Variants in CAMK2D observed in about 807,000 individuals in gnomAD.
CAMK2D encodes calcium/calmodulin-dependent protein kinase type II subunit delta.
CAMK2D carries 37 observed loss-of-function variants against 84.0 expected under a neutral mutation model. The ratio of observed to expected loss-of-function variants is 0.44; its 90% CI spans 0.34 to 0.58. CAMK2D has a LOEUF of 0.58. Ranked by LOEUF, CAMK2D falls within the 20% of genes least tolerant of loss-of-function variation. The pLI, the probability that CAMK2D is intolerant of heterozygous loss-of-function variation, is 0.02. For missense variants in CAMK2D, 448 were observed against 652.5 expected, an observed-to-expected ratio of 0.69 and a Z score of 3.41; for synonymous variants, 202 against 212.5, an observed-to-expected ratio of 0.95 and a Z score of 0.43.
chr4:113,669,110 T>C (rs1373580241), intron 2 of CAMK2D, among the ~76,000 whole-genome samples: 1 of 152,192 alleles, frequency 6.6e-6, no homozygotes. Context: ...TATTTAAAAA[T>C]GCTTTACACA....
intron 3 of CAMK2D, among the ~76,000 whole-genome samples, chr4:113,610,651 TGAG>T (rs897366595): frequency 9.2e-5 from 14 of 152,096 alleles, no homozygotes; most frequent in African/African-American, 2.7e-4. Context: ...GTTATTAACA[TGAG>T]GAGGAGGCCT....
intron 2 of CAMK2D, among the ~76,000 whole-genome samples, chr4:113,665,423 A>G (rs941817302): frequency 6.6e-6 from 1 of 152,216 alleles, no homozygotes; most frequent in Non-Finnish European, 1.5e-5. Context: ...ATTACCAAAA[A>G]GCACATTTCT....
At chr4:113,456,958 T>C (rs915370840) in intron 19 of CAMK2D, 1 of 187,204 alleles carries the variant, frequency 5.3e-6, no homozygotes, top group African/African-American at 2.4e-5. Context: ...TGATAATATA[T>C]TGGCCATTTT....
intron 3 of CAMK2D, among the ~76,000 whole-genome samples, chr4:113,655,986 A>G (rs986552888): frequency 6.6e-6 from 1 of 152,134 alleles, no homozygotes; most frequent in African/African-American, 2.4e-5. Flanking sequence ...ATCACCTCAA[A>G]TATTTTATTT....
At chr4:113,675,714 G>C (rs2099315639) in intron 2 of CAMK2D, among the ~76,000 whole-genome samples, 1 of 151,760 alleles carries the variant, frequency 6.6e-6, no homozygotes, top group Admixed American at 6.6e-5. Flanking sequence ...TAGTCAGAGA[G>C]GTAAAATTCC....
chr4:113,554,350 G>T (rs951093675), intron 4 of CAMK2D, among the ~76,000 whole-genome samples: 1 of 151,966 alleles, frequency 6.6e-6, no homozygotes, highest in Admixed American at 6.6e-5. Flanking sequence ...GCTATACATG[G>T]CAATAGATTT....
At position 113,513,835 on chromosome 4, in the gene CAMK2D, G is replaced by A. The variant is rs754568412; in HGVS notation, c.898C>T (p.Leu300=). ...AAAAATGTAAAATTTCTTACCTTTA[G>A]TTTTCTTCTAGCATTAAATTTCTTC... is the stretch of plus-strand genomic sequence containing the variant. ...CLKKFNARRK[L]KGAILTTMLA... The change falls in exon 11 of 21, where the codon CTA becomes TTA. Residue 300 remains leucine (L), a synonymous_variant. Transcript: ENST00000511664. 1 of 1,517,668 alleles carries A rather than the reference G, an allele frequency of 6.6e-7. No individual in the cohort carries two copies. Among genetic ancestry groups the A allele is most frequent in the South Asian group, 1.1e-5 (1 of 88,034 alleles). 94.0% of individuals were successfully genotyped at this position (1,517,668 alleles called of 1,614,324 possible). A position where few individuals can be genotyped will look rare whatever the true frequency, so the allele number is the denominator to read the frequency against.
chr4:113,516,860 T>C (rs568654844), intron 9 of CAMK2D, among the ~76,000 whole-genome samples: 3 of 152,122 alleles, frequency 2.0e-5, no homozygotes, highest in Non-Finnish European at 2.9e-5. Context: ...GAGAAAGTGG[T>C]AAATCATATT....
intron 3 of CAMK2D, among the ~76,000 whole-genome samples, chr4:113,622,845 A>G (rs2099051910): frequency 6.6e-6 from 1 of 152,170 alleles, no homozygotes; most frequent in Non-Finnish European, 1.5e-5. Flanking sequence ...ATGATGAAAC[A>G]CTGTTTAACT....
At chr4:113,475,824 C>A (rs990301388) in intron 16 of CAMK2D, among the ~76,000 whole-genome samples, 1 of 152,170 alleles carries the variant, frequency 6.6e-6, no homozygotes, top group African/African-American at 2.4e-5. Flanking sequence ...GTAGCTTGTG[C>A]TTTCATTACA....
At chr4:113,633,906 A>G (rs2099100242) in intron 3 of CAMK2D, among the ~76,000 whole-genome samples, 1 of 152,238 alleles carries the variant, frequency 6.6e-6, no homozygotes, top group Non-Finnish European at 1.5e-5. Context: ...TAGTTGTTAT[A>G]ATTTGAAGAA....
At chr4:113,674,876 C>T (rs1318300953) in intron 2 of CAMK2D, among the ~76,000 whole-genome samples, 2 of 151,838 alleles carry the variant, frequency 1.3e-5, no homozygotes, top group Admixed American at 1.3e-4. Context: ...AACAGAGGCA[C>T]TAAGGAGGAA....
At chr4:113,621,461 CA>C (rs952473058) in intron 3 of CAMK2D, among the ~76,000 whole-genome samples, 1 of 151,912 alleles carries the variant, frequency 6.6e-6, no homozygotes, top group African/African-American at 2.4e-5. Context: ...CAACCCTGAA[CA>C]AAAAAACATT....
chr4:113,529,881 A>AT (rs916714799), intron 8 of CAMK2D, among the ~76,000 whole-genome samples: 9 of 152,238 alleles, frequency 5.9e-5, no homozygotes, highest in Admixed American at 4.6e-4. Flanking sequence ...GCATAAATAC[A>AT]TAACCACTAG....
At chr4:113,689,762 A>G (rs1160054889) in intron 2 of CAMK2D, among the ~76,000 whole-genome samples, 1 of 152,104 alleles carries the variant, frequency 6.6e-6, no homozygotes, top group African/African-American at 2.4e-5. Flanking sequence ...CCTTCATAGC[A>G]CTTACTACAA....
rs149958594 is a variant in CAMK2D at position 113,712,265 on chromosome 4, CAAA to C, written c.160+47052_160+47054del. On this transcript the variant is annotated intron_variant, in intron 2 of 20. Coordinates refer to ENST00000511664, the MANE Select transcript of CAMK2D (RefSeq NM_001321571.2). ...AGCCAAGAATTAACTTTGACCTACT[CAAA>C]AATGTGTCCAAGAATGACCCAGGAA... Among the ~76,000 whole-genome samples the C allele has an allele frequency of 0.015, 2,225 of 152,182 alleles. 91 individuals carry two copies. The East Asian group carries it at 0.15, about 10-fold the overall frequency.
intron 3 of CAMK2D, among the ~76,000 whole-genome samples, chr4:113,646,026 C>T (rs943256551): frequency 1.3e-5 from 2 of 152,198 alleles, no homozygotes; most frequent in African/African-American, 4.8e-5. Flanking sequence ...GGTTTGTTGA[C>T]TTAGCAAGTC....
chr4:113,726,515 G>A (rs1409739962), intron 2 of CAMK2D, among the ~76,000 whole-genome samples: 1 of 151,432 alleles, frequency 6.6e-6, no homozygotes, highest in Non-Finnish European at 1.5e-5. Flanking sequence ...CTGAGTAGCT[G>A]GGGCTACAGG....
chr4:113,692,723 CAT>C (rs1428422259), intron 2 of CAMK2D, among the ~76,000 whole-genome samples: 8 of 151,840 alleles, frequency 5.3e-5, no homozygotes, highest in African/African-American at 1.9e-4. Flanking sequence ...TATATACATA[CAT>C]ATATTCATAC....
Sources: allele counts gnomAD v4.1 joint callset (sites outside exome capture counted in the v4.1 genomes callset), GRCh38; gene constraint gnomAD v4.1.1; transcripts MANE v1.5; gene names NCBI Gene and HGNC (gene_info 2026-07-23, HGNC 2026-07-21).